Variants in SLC26A6 observed in about 807,000 individuals in gnomAD.
The protein encoded by SLC26A6 is solute carrier family 26 member 6.
SLC26A6 carries 67 observed loss-of-function variants against 87.1 expected under a neutral mutation model. The ratio of observed to expected loss-of-function variants is 0.77; its 90% CI spans 0.63 to 0.94. SLC26A6 has a LOEUF of 0.94. SLC26A6 is among the 40% of genes least tolerant of loss of function. The pLI, the probability that SLC26A6 is intolerant of heterozygous loss-of-function variation, is 0.00. For synonymous variants in SLC26A6, 414 were observed against 405.9 expected, an observed-to-expected ratio of 1.02 and a Z score of -0.24; for missense variants, 902 against 973.0, an observed-to-expected ratio of 0.93 and a Z score of 0.97.
chr3:48,633,717 T>C, intron 1 of SLC26A6, 82 bp from the exon 2 acceptor site: 2 of 1,554,214 alleles, frequency 1.3e-6, no homozygotes, highest in Non-Finnish European at 1.7e-6. Context: ...ACCAGAGAGT[T>C]ACCTACCTGA....
In SLC26A6 at chr3:48,633,613, G is replaced by C; in HGVS notation, c.46C>G (p.Leu16Val). The C allele has an allele frequency of 6.2e-7, 1 of 1,613,572 alleles. No homozygotes were observed. The highest frequency in any genetic ancestry group is 1.1e-5 in the South Asian group (1 of 91,088). ...ASGPRDTQAL[L>V]SATQAMDLRR... ...AGGTCCATTGCTTGTGTTGCAGACA[G>C]CAGTGCCTGTGTGTCCCTCGGTCTG... is the stretch of plus-strand genomic sequence containing the variant. Residue 16 changes from leucine to valine, a missense_variant, in exon 2 of 21, where the codon CTG (leucine) becomes GTG (valine). By Grantham distance (32) the Leu-to-Val change is conservative. Transcript: ENST00000395550.
Position 48,632,056 on chromosome 3 carries a change from C to T in SLC26A6, c.586-12G>A, listed in dbSNP as rs1295544699. 1 of 1,612,366 alleles carries T rather than the reference C, an allele frequency of 6.2e-7. No homozygotes were observed. Among genetic ancestry groups the T allele is most frequent in the Admixed American group, 1.7e-5 (1 of 59,976 alleles). Reference sequence around the variant, plus strand: ...AGGCCCAGCCCCACCTGTGGGGCGGCCAGGGGCAGTCAGGAGAGGCAGGGG... The same window carrying T: ...AGGCCCAGCCCCACCTGTGGGGCGGTCAGGGGCAGTCAGGAGAGGCAGGGG... On this transcript the variant is annotated splice_polypyrimidine_tract_variant and intron_variant, in intron 5 of 20. Transcript: ENST00000395550.
At chr3:48,627,873 T>C in intron 17 of SLC26A6, 73 bp downstream of exon 17, 3 of 1,427,334 alleles carry the variant, frequency 2.1e-6, no homozygotes, top group Non-Finnish European at 2.8e-6. Context: ...TCCATGGCAT[T>C]CCTCATGAGA....
Position 48,628,052 on chromosome 3 carries a change from G to A in SLC26A6, c.1801-14C>T. 1.3e-6 allele frequency: 2 copies of A among 1,556,292 alleles called. No individual in the cohort carries two copies. The highest frequency in any genetic ancestry group is 1.7e-6 in the Non-Finnish European group (2 of 1,156,458). On this transcript the variant is annotated splice_polypyrimidine_tract_variant and intron_variant, in intron 16 of 20. Transcript: ENST00000395550. This position sits in a 1 kb window ranked among gnomAD's most constrained non-coding sequence, Gnocchi z 4.4. ...GGGGGAGGCAGCCTACACCAGGGAA[G>A]ACAGGGAATGGGAAACAGCTAGCCC...
chr3:48,629,900 G>C lies in SLC26A6; in HGVS notation c.1501C>G (p.Leu501Val). Residue 501 changes from leucine to valine, a missense_variant, in exon 13 of 21, where the codon CTG becomes GTG. Transcript: ENST00000395550. ...LGLVVAVIFS[L>V]LLVVVRTQMP... The stretch of plus-strand genomic sequence containing the variant: ...TGTGTCCGGACCACCACGAGCAGCA[G>C]GGAGAAGATGACCGCAACCACCAAG... 1 of 1,614,158 alleles carries C rather than the reference G, an allele frequency of 6.2e-7. No homozygotes were observed. Among genetic ancestry groups the C allele is most frequent in the Non-Finnish European group, 8.5e-7 (1 of 1,180,034 alleles).
In SLC26A6 at chr3:48,633,434, C is replaced by T. The variant is rs1336130593; in HGVS notation, c.182+43G>A. 1.9e-6 allele frequency: 3 copies of T among 1,612,238 alleles called. No individual in the cohort carries two copies. The African/African-American group carries it at 4.0e-5, about 22-fold the overall frequency. ...GGGTAGGTGTCAGGAACAGGGGCTA[C>T]CTGGGCCCCGCCAGCGCCCCCAGGC... On this transcript the variant is annotated intron_variant, in intron 2 of 20. Coordinates refer to ENST00000395550, the MANE Select transcript of SLC26A6 (RefSeq NM_022911.3).
chr3:48,626,948 G>A lies in SLC26A6; in HGVS notation c.2001C>T (p.Asp667=), dbSNP rs369906115. 7 of 1,614,104 alleles carry A rather than the reference G, an allele frequency of 4.3e-6. No homozygotes were observed. The highest frequency in any genetic ancestry group is 3.3e-4 in the Middle Eastern group (2 of 6,084). Residue 667 remains aspartate (D), a synonymous_variant, in exon 18 of 21, where the codon GAC becomes GAT. Transcript: ENST00000395550. ...CCAGGTCCAGGATGAGGCTGTGGAA[G>A]TCTGGCTGAGGCAGGCCCAGGGCCT... ...TLKALGLPQP[D]FHSLILDLGA...
chr3:48,631,163 C>CA, intron 8 of SLC26A6, 23 bp from the exon 9 acceptor site: 5 of 1,613,500 alleles, frequency 3.1e-6, no homozygotes, highest in Non-Finnish European at 4.2e-6. Context: ...TCTGTGAGGC[C>CA]AAAGCAAGGT....
chr3:48,628,301 G>T lies in SLC26A6; in HGVS notation c.1800+133C>A. The T allele has an allele frequency of 1.6e-6, 2 of 1,242,650 alleles. No individual in the cohort carries two copies. Among genetic ancestry groups the T allele is most frequent in the Non-Finnish European group, 2.3e-6 (2 of 883,974 alleles). The allele number at this position is 1,242,650 out of a possible 1,614,324, so 77.0% of individuals were successfully genotyped here. A position where few individuals can be genotyped will look rare whatever the true frequency, so the allele number is the denominator to read the frequency against. On this transcript the variant is annotated intron_variant, in intron 16 of 20. Transcript: ENST00000395550. This position sits in a 1 kb window ranked among gnomAD's most constrained non-coding sequence, Gnocchi z 4.4. ...GGACCTGCTAGGGGAGTGAAGCAGG[G>T]TCCCTGGGAGCATGAGGGAGAAAGG... is the stretch of plus-strand genomic sequence containing the variant.
chr3:48,626,360 G>A lies in SLC26A6; in HGVS notation c.2129-6C>T. On this transcript the variant is annotated splice_polypyrimidine_tract_variant and splice_region_variant and intron_variant, in intron 19 of 20. Transcript: ENST00000395550. ...AAGCTGGCTGACCACAGGGCCTGTG[G>A]GCAAGAAGTAGGCCTCCCCTGACTC... The A allele has an allele frequency of 6.2e-7, 1 of 1,613,922 alleles. No individual in the cohort carries two copies. Among genetic ancestry groups the A allele is most frequent in the Non-Finnish European group, 8.5e-7 (1 of 1,179,994 alleles).
At chr3:48,634,102 G>A (rs1185771649) in intron 1 of SLC26A6, 2 of 185,080 alleles carry the variant, frequency 1.1e-5, no homozygotes, top group Non-Finnish European at 2.3e-5. Context: ...CAAGCCTCAG[G>A]CCTCAGATGA....
Position 48,635,383 on chromosome 3 carries a change from G to C in SLC26A6, c.11C>G (p.Ala4Gly), listed in dbSNP as rs866681078. Residue 4 changes from alanine to glycine, a missense_variant, in exon 1 of 21, where the codon GCG becomes GGG. Around this residue, in one of 3 missense-constraint regions of SLC26A6, gnomAD observed 800 missense variants for 856.8 expected, o/e 0.93. Coordinates refer to ENST00000395550, the MANE Select transcript of SLC26A6 (RefSeq NM_022911.3). ...GCGCTGAACTCACCCCGACGCATCC[G>C]CCAGCCCCATGGCTCGCAAGTTGTC... MGL[A>G]DASGPRDTQA... 1 of 1,586,782 alleles carries C rather than the reference G, an allele frequency of 6.3e-7. No individual in the cohort carries two copies. Among genetic ancestry groups the C allele is most frequent in the Admixed American group, 1.8e-5 (1 of 57,028 alleles).
Position 48,632,732 on chromosome 3 carries a change from C to A in SLC26A6, c.433+242G>T, listed in dbSNP as rs1020439929. 2.8e-5 allele frequency: 19 copies of A among 676,456 alleles called. No homozygotes were observed. In the Admixed American group the frequency reaches 4.0e-4, roughly 14 times the overall value. 41.9% of individuals were successfully genotyped at this position (676,456 alleles called of 1,614,324 possible). A position where few individuals can be genotyped will look rare whatever the true frequency, so the allele number is the denominator to read the frequency against. On this transcript the variant is annotated intron_variant, in intron 4 of 20. Transcript: ENST00000395550. ...GCTCAGGCCTCTGCCAAGTTCCAGGCCCCTTGGGCTGCCTCACCCACTCTC... is the reference window on the plus strand; with the variant it reads ...GCTCAGGCCTCTGCCAAGTTCCAGGACCCTTGGGCTGCCTCACCCACTCTC...
Position 48,631,672 on chromosome 3 carries a change from G to A in SLC26A6, c.880C>T (p.Pro294Ser), listed in dbSNP as rs2046797309. 1.2e-6 allele frequency: 2 copies of A among 1,613,228 alleles called. No homozygotes were observed. The highest frequency in any genetic ancestry group is 1.7e-6 in the Non-Finnish European group (2 of 1,179,990). Residue 294 changes from proline to serine, a missense_variant, in exon 7 of 21, where the codon CCG becomes TCG. Transcript: ENST00000395550. ...ACCGTGAGCAGCTCCCCGGGTATCGGCATGGGCAGCTGCTGCTGCAGCTTG... is the reference window on the plus strand; with the variant it reads ...ACCGTGAGCAGCTCCCCGGGTATCGACATGGGCAGCTGCTGCTGCAGCTTG... ...NDKLQQQLPMPIPGELLTLIG... is the reference protein window; with the variant it reads ...NDKLQQQLPMSIPGELLTLIG...
chr3:48,630,199 C>A (rs759273815), intron 11 of SLC26A6, 42 bp from the exon 12 acceptor site: 2 of 1,590,066 alleles, frequency 1.3e-6, no homozygotes, highest in South Asian at 2.2e-5. Context: ...TGAGGGCACC[C>A]GATGCTGACA....
Position 48,632,361 on chromosome 3 carries a change from C to T in SLC26A6, c.469G>A (p.Val157Met), listed in dbSNP as rs746704386. Residue 157 changes from valine to methionine, a missense_variant, in exon 5 of 21, where the codon GTG (valine) becomes ATG (methionine). Physicochemically the swap from Val to Met is conservative, Grantham distance 21. Transcript: ENST00000395550. ...GCCTGCGGGGCCAGGGATTCTGTCACACTGCCCACCATCACAGACATGACA... is the reference window on the plus strand; with the variant it reads ...GCCTGCGGGGCCAGGGATTCTGTCATACTGCCCACCATCACAGACATGACA... The part of the protein sequence containing the change: ...FAVMSVMVGS[V>M]TESLAPQALN... The T allele has an allele frequency of 2.2e-5, 36 of 1,611,802 alleles. 1 individual carries two copies. In the South Asian group the frequency reaches 3.6e-4, roughly 16 times the overall value.
rs1260537359 is a variant in SLC26A6 at position 48,635,289 on chromosome 3, T to G, written c.23+82A>C. The G allele has an allele frequency of 4.0e-6, 5 of 1,252,206 alleles. No homozygotes were observed. The East Asian group carries it at 1.2e-4, about 29-fold the overall frequency. 77.6% of individuals were successfully genotyped at this position (1,252,206 alleles called of 1,614,324 possible). A position where few individuals can be genotyped will look rare whatever the true frequency, so the allele number is the denominator to read the frequency against. On this transcript the variant is annotated intron_variant, in intron 1 of 20. Coordinates refer to ENST00000395550, the MANE Select transcript of SLC26A6 (RefSeq NM_022911.3). ...GGCGTCGCAAGCGGAGAATGCCTGC[T>G]CCAGCGAGGCGTCGCAAGCGGAGAA...
chr3:48,631,415 G>T lies in SLC26A6; in HGVS notation c.904-109C>A, dbSNP rs2046788197. ...GATACTGGGCAAAACCTTCTTCGAGGGTGGGAAAAAGTCACGTAGGGTGAG... is the reference window on the plus strand; with the variant it reads ...GATACTGGGCAAAACCTTCTTCGAGTGTGGGAAAAAGTCACGTAGGGTGAG... On this transcript the variant is annotated intron_variant, in intron 7 of 20. Coordinates refer to ENST00000395550, the MANE Select transcript of SLC26A6 (RefSeq NM_022911.3). 5.3e-6 allele frequency: 7 copies of T among 1,318,646 alleles called. No individual in the cohort carries two copies. In the East Asian group the frequency reaches 1.3e-4, roughly 24 times the overall value. 81.7% of individuals were successfully genotyped at this position (1,318,646 alleles called of 1,614,324 possible). A position where few individuals can be genotyped will look rare whatever the true frequency, so the allele number is the denominator to read the frequency against.
chr3:48,625,912 G>A lies in SLC26A6; in HGVS notation c.*74C>T, dbSNP rs900491860. 13 of 1,599,764 alleles carry A rather than the reference G, an allele frequency of 8.1e-6. No individual in the cohort carries two copies. Among genetic ancestry groups the A allele is most frequent in the Middle Eastern group, 1.7e-4 (1 of 5,922 alleles). ...GGACTCCTGGGTAGCACCTGGAGGC[G>A]GCCTAGGGGTGAGGGGCTTCTCAAG... On this transcript the variant is annotated 3_prime_UTR_variant, in exon 21 of 21. Coordinates refer to ENST00000395550, the MANE Select transcript of SLC26A6 (RefSeq NM_022911.3). This position sits in a 1 kb window ranked among gnomAD's most constrained non-coding sequence, Gnocchi z 4.7.
Sources: allele counts gnomAD v4.1 joint callset, GRCh38; gene constraint gnomAD v4.1.1; regional missense constraint gnomAD v4.1.1; non-coding constraint Gnocchi (gnomAD v3.1); transcripts MANE v1.5; gene names NCBI Gene and HGNC (gene_info 2026-07-23, HGNC 2026-07-21).